Variants in SPATA17 observed in about 807,000 individuals in gnomAD.
SPATA17 encodes spermatogenesis associated 17, also known as spermatogenesis-associated protein 17.
SPATA17 carries 53 observed loss-of-function variants against 62.2 expected under a neutral mutation model. The ratio of observed to expected loss-of-function variants is 0.85; its 90% confidence interval spans 0.68 to 1.07. The LOEUF is 1.07. Among genes scored for constraint, SPATA17 ranks in the 50% least tolerant of loss-of-function variants. The pLI, the probability that SPATA17 is intolerant of heterozygous loss-of-function variation, is 0.00. For missense variants in SPATA17, 466 were observed against 425.5 expected, an observed-to-expected ratio of 1.10 and a Z score of -0.84; for synonymous variants, 146 against 146.8, an observed-to-expected ratio of 0.99 and a Z score of 0.04.
In SPATA17 at chr1:217,770,978, A is replaced by ATTTTTTTTTTTT. The variant is rs374042087; in HGVS notation, c.520-3337_520-3326dup. 4.8e-4 allele frequency among the ~76,000 whole-genome samples: 24 copies of ATTTTTTTTTTTT among 50,166 alleles called. 3 individuals are homozygous for ATTTTTTTTTTTT. The highest frequency in any genetic ancestry group is 6.1e-4 in the African/African-American group (7 of 11,570). 32.9% of individuals were successfully genotyped at this position (50,166 alleles called of 152,430 possible). On this transcript the variant is annotated intron_variant, in intron 6 of 10. Coordinates refer to ENST00000366933, the MANE Select transcript of SPATA17 (RefSeq NM_138796.4). ...ATGTATCTATTATATAACTCATTGC[A>ATTTTTTTTTTTT]TTTTTTTTTTTTTTTTTTTTTTTTT...
At chr1:217,654,872 C>T (rs1269116171) in intron 3 of SPATA17, among the ~76,000 whole-genome samples, 2 of 152,046 alleles carry the variant, frequency 1.3e-5, no homozygotes, top group African/African-American at 4.8e-5. Context: ...GCCACCACGC[C>T]CGGCTAATTT....
Position 217,741,963 on chromosome 1 carries a change from G to A in SPATA17, c.396-12G>A, listed in dbSNP as rs960656123. The A allele has an allele frequency of 5.0e-6, 8 of 1,613,654 alleles. No homozygotes were observed. The highest frequency in any genetic ancestry group is 5.9e-6 in the Non-Finnish European group (7 of 1,179,886). ...ATAGTATCATAAATAACTGCAGATG[G>A]TTTTGATGCAGGAAGGCACTGGAGG... On this transcript the variant is annotated splice_polypyrimidine_tract_variant and intron_variant, in intron 5 of 10. Coordinates refer to ENST00000366933, the MANE Select transcript of SPATA17 (RefSeq NM_138796.4).
Position 217,787,738 on chromosome 1 carries a change from C to A in SPATA17, c.872+5416C>A, listed in dbSNP as rs141722306. 1.0e-3 allele frequency among the ~76,000 whole-genome samples: 154 copies of A among 151,208 alleles called. 1 individual carries two copies. Among genetic ancestry groups the A allele is most frequent in the Middle Eastern group, 6.9e-3 (2 of 290 alleles). ...ACATGTGCAATTATTAAACGCTCTT[C>A]ACTGATCTTCAGTTATGTTTTGCAG... is the stretch of plus-strand genomic sequence containing the variant. On this transcript the variant is annotated intron_variant, in intron 8 of 10. Coordinates refer to ENST00000366933, the MANE Select transcript of SPATA17 (RefSeq NM_138796.4).
At chr1:217,827,612 G>C (rs538388842) in intron 9 of SPATA17, among the ~76,000 whole-genome samples, 2 of 152,232 alleles carry the variant, frequency 1.3e-5, no homozygotes, top group East Asian at 3.9e-4. Flanking sequence ...ACTCACAATA[G>C]CAAAGACATG....
chr1:217,666,175 G>A (rs1384012849), intron 3 of SPATA17, among the ~76,000 whole-genome samples: 3 of 152,076 alleles, frequency 2.0e-5, no homozygotes, highest in South Asian at 2.1e-4. Flanking sequence ...TGATGATAAA[G>A]GAATAGGTAA....
chr1:217,723,192 T>C (rs1057013519), intron 5 of SPATA17, among the ~76,000 whole-genome samples: 1 of 152,198 alleles, frequency 6.6e-6, no homozygotes, highest in African/African-American at 2.4e-5. Flanking sequence ...CCAGCAAATA[T>C]CAACTGAGAC....
Position 217,683,302 on chromosome 1 carries a change from T to C in SPATA17, c.336T>C (p.Phe112=). 3 of 1,610,592 alleles carry C rather than the reference T, an allele frequency of 1.9e-6. No individual in the cohort carries two copies. In the South Asian group the frequency reaches 3.3e-5, roughly 18 times the overall value. The change falls in exon 5 of 11, where the codon TTT becomes TTC. Residue 112 remains phenylalanine (F), a synonymous_variant. Coordinates refer to ENST00000366933, the MANE Select transcript of SPATA17 (RefSeq NM_138796.4). ...WRGYRVRKYL[F]NYYYLKEYLK... ...GCTATAGGGTTCGGAAGTACCTCTT[T>C]AATTATTATTATTTGAAAGAGTACC...
intron 9 of SPATA17, among the ~76,000 whole-genome samples, chr1:217,829,258 A>G (rs1022838449): frequency 6.6e-6 from 1 of 152,128 alleles, no homozygotes; most frequent in Non-Finnish European, 1.5e-5. Context: ...AAAAAGCTTT[A>G]TAAAAGAAAA....
chr1:217,847,569 T>G (rs1389711295), intron 9 of SPATA17, among the ~76,000 whole-genome samples: 2 of 152,058 alleles, frequency 1.3e-5, no homozygotes, highest in East Asian at 3.9e-4. Flanking sequence ...GTAGAGGGGG[T>G]TGGTATTAAA....
intron 4 of SPATA17, among the ~76,000 whole-genome samples, chr1:217,672,348 A>G (rs1930299): frequency 0.13 from 19,411 of 152,268 alleles, 1,383 homozygotes; most frequent in Non-Finnish European, 0.16. Context: ...GGTAACAGAT[A>G]ACTACCAAAT....
intron 5 of SPATA17, among the ~76,000 whole-genome samples, chr1:217,733,541 C>T (rs1452395460): frequency 6.6e-6 from 1 of 152,198 alleles, no homozygotes; most frequent in East Asian, 1.9e-4. Flanking sequence ...TTATTTTCTA[C>T]ATTCTGATAA....
Position 217,654,775 on chromosome 1 carries a change from C to G in SPATA17, c.240+3597C>G, listed in dbSNP as rs576342578. The stretch of plus-strand genomic sequence containing the variant: ...TCTGTCGTCCCAGGGTGCAAGGGTG[C>G]GAGCTCAGCTCACTGCAACCTCTGC... On this transcript the variant is annotated intron_variant, in intron 3 of 10. Transcript: ENST00000366933. Among the ~76,000 whole-genome samples the G allele has an allele frequency of 7.3e-4, 107 of 146,728 alleles. 1 individual carries two copies. Among genetic ancestry groups the G allele is most frequent in the African/African-American group, 2.3e-3 (92 of 39,330 alleles).
intron 5 of SPATA17, among the ~76,000 whole-genome samples, chr1:217,714,250 G>A (rs1475951941): frequency 5.9e-5 from 9 of 151,760 alleles, no homozygotes; most frequent in East Asian, 2.0e-4. Flanking sequence ...TTAGCCAAGC[G>A]TGGTGGCAGG....
chr1:217,710,835 C>T (rs1293958758), intron 5 of SPATA17, among the ~76,000 whole-genome samples: 1 of 152,122 alleles, frequency 6.6e-6, no homozygotes, highest in African/African-American at 2.4e-5. Flanking sequence ...CCCCATTCTA[C>T]TTGTCCCCCC....
At chr1:217,742,499 C>T (rs1368382902) in intron 6 of SPATA17, among the ~76,000 whole-genome samples, 1 of 152,188 alleles carries the variant, frequency 6.6e-6, no homozygotes, top group Non-Finnish European at 1.5e-5. Flanking sequence ...AGATTAAAAC[C>T]ATTTTTCAAC....
At chr1:217,669,713 AT>A (rs142916641) in intron 4 of SPATA17, among the ~76,000 whole-genome samples, 1,862 of 152,300 alleles carry the variant, frequency 0.012, 28 homozygotes, top group African/African-American at 0.036. Context: ...AGTGAATTTC[AT>A]TATTGTCCTT....
intron 6 of SPATA17, among the ~76,000 whole-genome samples, chr1:217,758,963 T>A (rs4269826): frequency 0.28 from 42,391 of 151,870 alleles, 6,351 homozygotes; most frequent in East Asian, 0.54. Context: ...TCAGTGGGCA[T>A]GAAGGCATCA....
At chr1:217,850,164 A>C in intron 9 of SPATA17, among the ~76,000 whole-genome samples, 1 of 152,202 alleles carries the variant, frequency 6.6e-6, no homozygotes, top group East Asian at 1.9e-4. Context: ...TCTTCTAATG[A>C]ATAATTTCAA....
chr1:217,654,381 T>A (rs955688395), intron 3 of SPATA17, among the ~76,000 whole-genome samples: 2 of 152,094 alleles, frequency 1.3e-5, no homozygotes, highest in Non-Finnish European at 2.9e-5. Flanking sequence ...TGCCTCTGCC[T>A]CCCGAAATGC....
Sources: gnomAD v4.1 joint callset for allele counts (sites outside exome capture counted in the v4.1 genomes callset) on GRCh38, gnomAD v4.1.1 for gene constraint, MANE v1.5 for transcripts, NCBI Gene and HGNC (gene_info 2026-07-23, HGNC 2026-07-21) for gene names.